Variants in IRF5 observed in about 807,000 individuals in gnomAD.
IRF5 encodes interferon regulatory factor 5.
A neutral mutation model predicts 55.1 loss-of-function variants in IRF5; 24 were observed. The observed-to-expected ratio is 0.44, with a 90% CI of 0.32 to 0.61. The LOEUF is 0.61. Among genes scored for constraint, IRF5 ranks in the 20% least tolerant of loss-of-function variants. The pLI, the probability that IRF5 is intolerant of heterozygous loss-of-function variation, is 0.07. For missense variants in IRF5, 499 were observed against 658.5 expected, an observed-to-expected ratio of 0.76 and a Z score of 2.65; for synonymous variants, 258 against 260.2, an observed-to-expected ratio of 0.99 and a Z score of 0.08.
chr7:128,946,417 G>A lies in IRF5; in HGVS notation c.386-84G>A. 6.7e-7 allele frequency: 1 copy of A among 1,499,876 alleles called. No homozygotes were observed. The highest frequency in any genetic ancestry group is 9.1e-7 in the Non-Finnish European group (1 of 1,104,162). The allele number at this position is 1,499,876 out of a possible 1,614,324, so 92.9% of individuals were successfully genotyped here. On this transcript the variant is annotated intron_variant, in intron 3 of 8. Coordinates refer to ENST00000357234, the MANE Select transcript of IRF5 (RefSeq NM_001098629.3). This position sits in a 1 kb window ranked among gnomAD's most constrained non-coding sequence, Gnocchi z 4.2. The stretch of plus-strand genomic sequence containing the variant: ...TGGGGAAGGCAGAAGCTGCATAGGA[G>A]CTACAGGCAGCCTCTCAGGGGATCT...
At position 128,945,874 on chromosome 7, in the gene IRF5, C is replaced by G; in HGVS notation, c.225C>G (p.Thr75=). The G allele has an allele frequency of 6.2e-7, 1 of 1,612,770 alleles. No homozygotes were observed. Among genetic ancestry groups the G allele is most frequent in the Non-Finnish European group, 8.5e-7 (1 of 1,179,660 alleles). The change falls in exon 3 of 9, where the codon ACC becomes ACG. Residue 75 remains threonine (T), a synonymous_variant. Coordinates refer to ENST00000357234, the MANE Select transcript of IRF5 (RefSeq NM_001098629.3). ...GGGCCAAGGAGACAGGGAAATACACCGAAGGCGTGGATGAAGCCGATCCGG... is the reference window on the plus strand; with the variant it reads ...GGGCCAAGGAGACAGGGAAATACACGGAAGGCGTGGATGAAGCCGATCCGG... The part of the protein sequence containing the change: ...KAWAKETGKY[T]EGVDEADPAK...
rs1296828426 is a variant in IRF5 at position 128,946,476 on chromosome 7, C to G, written c.386-25C>G. ...CTCCGACATTGACTCCTTTACTGCC[C>G]TGCTTTTCTCTCCCTGCTGTGCAGA... On this transcript the variant is annotated intron_variant, in intron 3 of 8. Coordinates refer to ENST00000357234, the MANE Select transcript of IRF5 (RefSeq NM_001098629.3). This position sits in a 1 kb window ranked among gnomAD's most constrained non-coding sequence, Gnocchi z 4.2. The G allele has an allele frequency of 3.1e-6, 5 of 1,592,946 alleles. No individual in the cohort carries two copies. Among genetic ancestry groups the G allele is most frequent in the Middle Eastern group, 1.6e-4 (1 of 6,064 alleles).
At position 128,945,856 on chromosome 7, in the gene IRF5, G is replaced by A. The variant is rs1200658486; in HGVS notation, c.207G>A (p.Lys69=). ...TCTTCCTGCCCCAGGCCTGGGCCAAGGAGACAGGGAAATACACCGAAGGCG... is the reference window on the plus strand; with the variant it reads ...TCTTCCTGCCCCAGGCCTGGGCCAAAGAGACAGGGAAATACACCGAAGGCG... ...GDNTIFKAWA[K]ETGKYTEGVD... Residue 69 remains lysine, a synonymous_variant, in exon 3 of 9, where the codon AAG becomes AAA. Transcript: ENST00000357234. 1.9e-6 allele frequency: 3 copies of A among 1,610,652 alleles called. No individual in the cohort carries two copies. Among genetic ancestry groups the A allele is most frequent in the Non-Finnish European group, 2.5e-6 (3 of 1,179,052 alleles).
At chr7:128,938,880 G>A (rs887176026) in intron 1 of IRF5, among the ~76,000 whole-genome samples, 1 of 151,998 alleles carries the variant, frequency 6.6e-6, no homozygotes, top group East Asian at 1.9e-4. Context: ...CTGGAGTGGG[G>A]GACTTTCCCA....
chr7:128,943,682 A>G (rs1231698923), intron 2 of IRF5, among the ~76,000 whole-genome samples: 1 of 141,548 alleles, frequency 7.1e-6, no homozygotes, highest in Non-Finnish European at 1.5e-5. Context: ...CTAGGATTAC[A>G]GGCACCTGCC....
intron 1 of IRF5, among the ~76,000 whole-genome samples, chr7:128,939,301 A>G (rs1268481729): frequency 6.6e-6 from 1 of 152,026 alleles, no homozygotes; most frequent in Non-Finnish European, 1.5e-5. Context: ...TTTTATCTAA[A>G]GGCCCTACTT....
Position 128,944,280 on chromosome 7 carries a change from C to T in IRF5, c.196-1565C>T, listed in dbSNP as rs557520155. Reference sequence around the variant, plus strand: ...TAGATACTTGAGATTGCTTTTAAAACCTGAACTTAAAAACCACATTGTCAT... The same window carrying T: ...TAGATACTTGAGATTGCTTTTAAAATCTGAACTTAAAAACCACATTGTCAT... On this transcript the variant is annotated intron_variant, in intron 2 of 8. Coordinates refer to ENST00000357234, the MANE Select transcript of IRF5 (RefSeq NM_001098629.3). Among the ~76,000 whole-genome samples, 5 of 152,260 alleles carry T rather than the reference C, an allele frequency of 3.3e-5. No individual in the cohort carries two copies. In the South Asian group the frequency reaches 1.0e-3, roughly 32 times the overall value.
chr7:128,948,793 C>A lies in IRF5; in HGVS notation c.1520C>A (p.Pro507His). The A allele has an allele frequency of 6.2e-7, 1 of 1,606,188 alleles. No individual in the cohort carries two copies. The part of the protein sequence containing the change: ...AGLGVGQGPW[P>H]MHPAGMQ ...CTTGGTGTTGGCCAGGGGCCCTGGCCTATGCACCCAGCTGGCATGCAATAA... is the reference window on the plus strand; with the variant it reads ...CTTGGTGTTGGCCAGGGGCCCTGGCATATGCACCCAGCTGGCATGCAATAA... The change falls in exon 9 of 9, where the codon CCT becomes CAT. Residue 507 changes from proline to histidine, a missense_variant. By Grantham distance (77) the Pro-to-His change is moderately conservative (BLOSUM62 -2). Coordinates refer to ENST00000357234, the MANE Select transcript of IRF5 (RefSeq NM_001098629.3). This position sits in a 1 kb window ranked among gnomAD's most constrained non-coding sequence, Gnocchi z 4.6.
chr7:128,937,694 G>C (rs1029694040), upstream of IRF5: 6 of 152,480 alleles, frequency 3.9e-5, no homozygotes, highest in Non-Finnish European at 4.4e-5. Context: ...TGCAGCGGGA[G>C]GTACGGGGTT....
chr7:128,941,885 C>T (rs76886330), intron 1 of IRF5, among the ~76,000 whole-genome samples, 186 bp from the exon 2 acceptor site: 44 of 152,356 alleles, frequency 2.9e-4, no homozygotes, highest in African/African-American at 1.1e-3. Flanking sequence ...ACTCTCCTTC[C>T]CTTCCTCCAA....
Position 128,947,159 on chromosome 7 carries a change from T to TGG in IRF5, c.482-69_482-68dup. On this transcript the variant is annotated intron_variant, in intron 5 of 8. Transcript: ENST00000357234. This position sits in a 1 kb window ranked among gnomAD's most constrained non-coding sequence, Gnocchi z 6.5. Reference sequence around the variant, plus strand: ...ATGGGAGGCTAGGGTGGCCCAGGGCTGGGAGGAGGTGTGCCTGGGAGGCAG... The same window carrying TGG: ...ATGGGAGGCTAGGGTGGCCCAGGGCTGGGGGAGGAGGTGTGCCTGGGAGGCAG... 1 of 1,606,686 alleles carries TGG rather than the reference T, an allele frequency of 6.2e-7. No homozygotes were observed. Among genetic ancestry groups the TGG allele is most frequent in the Non-Finnish European group, 8.5e-7 (1 of 1,175,360 alleles).
chr7:128,937,474 T>G (rs575012177), upstream of IRF5: 1 of 152,368 alleles, frequency 6.6e-6, no homozygotes, highest in Admixed American at 6.5e-5. Context: ...GACTAGAGGA[T>G]TCCCGCCTGC....
In IRF5 at chr7:128,937,935, G is replaced by A. The variant is rs1795823147; in HGVS notation, c.-126G>A. 6.6e-6 allele frequency: 1 copy of A among 152,342 alleles called. No individual in the cohort carries two copies. The highest frequency in any genetic ancestry group is 6.5e-5 in the Admixed American group (1 of 15,282). The allele number at this position is 152,342 out of a possible 1,614,324, so 9.4% of individuals were successfully genotyped here. On this transcript the variant is annotated 5_prime_UTR_variant, in exon 1 of 9. Transcript: ENST00000357234. Reference sequence around the variant, plus strand: ...CCAGGGGCGGGGGCGGCAAGACGCGGAAGTGCCCGGCAGGTTGGCGGACCG... The same window carrying A: ...CCAGGGGCGGGGGCGGCAAGACGCGAAAGTGCCCGGCAGGTTGGCGGACCG...
chr7:128,944,659 T>C (rs1054824299), intron 2 of IRF5, among the ~76,000 whole-genome samples: 8 of 152,228 alleles, frequency 5.3e-5, no homozygotes, highest in African/African-American at 1.9e-4. Flanking sequence ...TTTATGCACA[T>C]GTAAGCAAAT....
In IRF5 at chr7:128,946,732, C is replaced by G; in HGVS notation, c.447+170C>G. The G allele has an allele frequency of 1.6e-6, 1 of 639,864 alleles. No homozygotes were observed. The highest frequency in any genetic ancestry group is 2.8e-6 in the Non-Finnish European group (1 of 359,992). 39.6% of individuals were successfully genotyped at this position (639,864 alleles called of 1,614,324 possible). A position where few individuals can be genotyped will look rare whatever the true frequency, so the allele number is the denominator to read the frequency against. ...GATAGGAGCACAGTCCCCACCTGCTCCTTCCCAGGGCATTGTCATTACCCT... is the reference window on the plus strand; with the variant it reads ...GATAGGAGCACAGTCCCCACCTGCTGCTTCCCAGGGCATTGTCATTACCCT... On this transcript the variant is annotated intron_variant, in intron 4 of 8. Coordinates refer to ENST00000357234, the MANE Select transcript of IRF5 (RefSeq NM_001098629.3). This position sits in a 1 kb window ranked among gnomAD's most constrained non-coding sequence, Gnocchi z 4.2.
At position 128,946,155 on chromosome 7, in the gene IRF5, G is replaced by A. The variant is rs754101526; in HGVS notation, c.385+121G>A. 2 of 956,028 alleles carry A rather than the reference G, an allele frequency of 2.1e-6. No homozygotes were observed. The highest frequency in any genetic ancestry group is 3.0e-6 in the Non-Finnish European group (2 of 663,218). 59.2% of individuals were successfully genotyped at this position (956,028 alleles called of 1,614,324 possible). A position where few individuals can be genotyped will look rare whatever the true frequency, so the allele number is the denominator to read the frequency against. The stretch of plus-strand genomic sequence containing the variant: ...TCTAGCAGGCAGTGGTCCAGGAAAC[G>A]ATGCGGGGGCTCCCGCTAGGTCATG... On this transcript the variant is annotated intron_variant, in intron 3 of 8. Coordinates refer to ENST00000357234, the MANE Select transcript of IRF5 (RefSeq NM_001098629.3). The surrounding 1 kb of genome is among the most constrained non-coding windows in gnomAD (Gnocchi z 4.2).
chr7:128,946,770 C>T lies in IRF5; in HGVS notation c.447+208C>T, dbSNP rs1476785253. On this transcript the variant is annotated intron_variant, in intron 4 of 8. Coordinates refer to ENST00000357234, the MANE Select transcript of IRF5 (RefSeq NM_001098629.3). This position sits in a 1 kb window ranked among gnomAD's most constrained non-coding sequence, Gnocchi z 4.2. ...TTGTCATTACCCTGTGTGTGTGACC[C>T]ACGCAGCAGTTGGGGCTTGGTAGGT... 4 of 636,284 alleles carry T rather than the reference C, an allele frequency of 6.3e-6. No individual in the cohort carries two copies. The highest frequency in any genetic ancestry group is 1.1e-5 in the Non-Finnish European group (4 of 357,298). 39.4% of individuals were successfully genotyped at this position (636,284 alleles called of 1,614,324 possible). A position where few individuals can be genotyped will look rare whatever the true frequency, so the allele number is the denominator to read the frequency against.
In IRF5 at chr7:128,947,235, G is replaced by A; in HGVS notation, c.487G>A (p.Val163Met). Residue 163 changes from valine to methionine, a missense_variant, in exon 6 of 9, where the codon GTG becomes ATG. By Grantham distance (21) the Val-to-Met change is conservative. Transcript: ENST00000357234. This position sits in a 1 kb window ranked among gnomAD's most constrained non-coding sequence, Gnocchi z 6.5. Reference sequence around the variant, plus strand: ...TCCACACGCACTCTCTGTAGATGCAGTGCAGTCTGGCCCCCACATGACACC... The same window carrying A: ...TCCACACGCACTCTCTGTAGATGCAATGCAGTCTGGCCCCCACATGACACC... Reference protein sequence around the residue: ...MLPSLSLTDAVQSGPHMTPYS... With the variant: ...MLPSLSLTDAMQSGPHMTPYS... 1 of 1,604,040 alleles carries A rather than the reference G, an allele frequency of 6.2e-7. No homozygotes were observed. Among genetic ancestry groups the A allele is most frequent in the Non-Finnish European group, 8.5e-7 (1 of 1,174,670 alleles).
rs1795825230 is a variant in IRF5, at chr7:128,937,998, C to G, written c.-63C>G. ...GCCTGGGCAGAGCTCAGCTTGGTCC[C>G]GCCGCCCGGCCGGTGCTCCCTGGCG... On this transcript the variant is annotated 5_prime_UTR_variant, in exon 1 of 9. Transcript: ENST00000357234. 1 of 152,100 alleles carries G rather than the reference C, an allele frequency of 6.6e-6. No individual in the cohort carries two copies. Among genetic ancestry groups the G allele is most frequent in the African/African-American group, 2.4e-5 (1 of 41,430 alleles). The allele number at this position is 152,100 out of a possible 1,614,324, so 9.4% of individuals were successfully genotyped here.
Sources: allele counts gnomAD v4.1 joint callset (sites outside exome capture counted in the v4.1 genomes callset), GRCh38; gene constraint gnomAD v4.1.1; non-coding constraint Gnocchi (gnomAD v3.1); transcripts MANE v1.5; gene names NCBI Gene and HGNC (gene_info 2026-07-23, HGNC 2026-07-21).